Variants in TMTC2 observed in about 807,000 individuals in gnomAD.
The protein encoded by TMTC2 is protein O-mannosyl-transferase TMTC2.
TMTC2 carries 43 observed loss-of-function variants against 82.4 expected under a neutral mutation model. The observed-to-expected ratio is 0.52, with a 90% CI of 0.41 to 0.67. TMTC2 has a LOEUF of 0.67. Ranked by LOEUF, TMTC2 falls within the 30% of genes least tolerant of loss-of-function variation. The pLI, the probability that TMTC2 is intolerant of heterozygous loss-of-function variation, is 0.00. For missense variants in TMTC2, 919 were observed against 1,012.4 expected, an observed-to-expected ratio of 0.91 and a Z score of 1.25; for synonymous variants, 408 against 381.9, an observed-to-expected ratio of 1.07 and a Z score of -0.80.
chr12:83,123,062 T>C (rs1174588397), intron 11 of TMTC2, among the ~76,000 whole-genome samples: 1 of 152,252 alleles, frequency 6.6e-6, no homozygotes, highest in Non-Finnish European at 1.5e-5. Flanking sequence ...CTGTTTGCTC[T>C]TCCCCCAAAC....
At chr12:82,858,349 C>T (rs1871362554) in intron 2 of TMTC2, among the ~76,000 whole-genome samples, 1 of 152,186 alleles carries the variant, frequency 6.6e-6, no homozygotes, top group African/African-American at 2.4e-5. Flanking sequence ...TGTCTGCCTT[C>T]CCATCTCCCC....
chr12:82,892,633 G>C (rs2137173896), intron 2 of TMTC2, among the ~76,000 whole-genome samples: 1 of 152,238 alleles, frequency 6.6e-6, no homozygotes, highest in Admixed American at 6.5e-5. Flanking sequence ...CCTTCGTGTG[G>C]CTCTCCTGTC....
intron 4 of TMTC2, among the ~76,000 whole-genome samples, chr12:82,954,918 A>G (rs1369290257): frequency 6.6e-6 from 1 of 152,186 alleles, no homozygotes; most frequent in East Asian, 1.9e-4. Context: ...CTTTGTGAAA[A>G]TAGAAATGGT....
At chr12:83,021,959 C>T (rs1342594300) in intron 8 of TMTC2, 1 of 151,988 alleles carries the variant, frequency 6.6e-6, no homozygotes, top group Admixed American at 6.6e-5. Context: ...TGTACAAGGA[C>T]GTCACATAAA....
At chr12:82,894,736 G>C (rs1873570547) in intron 2 of TMTC2, among the ~76,000 whole-genome samples, 1 of 152,090 alleles carries the variant, frequency 6.6e-6, no homozygotes, top group South Asian at 2.1e-4. Context: ...GATGTCCTTT[G>C]ACCCTCCTCA....
chr12:82,937,925 T>A (rs1876485972), intron 4 of TMTC2, among the ~76,000 whole-genome samples: 1 of 94,860 alleles, frequency 1.1e-5, no homozygotes, highest in African/African-American at 3.0e-5. Flanking sequence ...TTTTTTTATT[T>A]TTTTTTTTTG....
At chr12:82,994,382 C>T (rs1256144169) in intron 8 of TMTC2, among the ~76,000 whole-genome samples, 1 of 152,106 alleles carries the variant, frequency 6.6e-6, no homozygotes, top group South Asian at 2.1e-4. Flanking sequence ...CTGCCCACCT[C>T]GGCCTCCCAA....
chr12:83,037,759 A>G (rs1388601691), intron 9 of TMTC2, among the ~76,000 whole-genome samples: 3 of 152,112 alleles, frequency 2.0e-5, no homozygotes, highest in South Asian at 2.1e-4. Context: ...ACTTTCCCAT[A>G]ACTAAAATGG....
chr12:83,025,741 A>G (rs1881141274), intron 8 of TMTC2, among the ~76,000 whole-genome samples: 1 of 152,126 alleles, frequency 6.6e-6, no homozygotes, highest in Non-Finnish European at 1.5e-5. Context: ...GGTTCCCATG[A>G]CCCTCTTCCT....
intron 3 of TMTC2, among the ~76,000 whole-genome samples, chr12:82,898,934 T>C (rs1873819503): frequency 6.6e-6 from 1 of 152,226 alleles, no homozygotes; most frequent in Admixed American, 6.5e-5. Context: ...AAACGTTTTG[T>C]AACGCTTAGG....
intron 11 of TMTC2, among the ~76,000 whole-genome samples, chr12:83,068,509 C>T (rs1458666130): frequency 6.6e-6 from 1 of 152,082 alleles, no homozygotes; most frequent in Non-Finnish European, 1.5e-5. Context: ...CACATGGTCT[C>T]TCCCAAAACT....
intron 4 of TMTC2, among the ~76,000 whole-genome samples, chr12:82,956,296 A>AATATAT (rs146632110): frequency 9.3e-4 from 140 of 150,290 alleles, no homozygotes; most frequent in African/African-American, 3.4e-3. Context: ...TGGAATGAAA[A>AATATAT]ATATATATAT....
intron 2 of TMTC2, among the ~76,000 whole-genome samples, chr12:82,873,410 T>A (rs905115711): frequency 1.3e-5 from 2 of 152,120 alleles, no homozygotes; most frequent in Non-Finnish European, 2.9e-5. Flanking sequence ...GCACTGAAGT[T>A]TGAGTAATCA....
intron 4 of TMTC2, among the ~76,000 whole-genome samples, chr12:82,943,037 G>A (rs1876809059): frequency 6.6e-6 from 1 of 152,136 alleles, no homozygotes; most frequent in Non-Finnish European, 1.5e-5. Flanking sequence ...CCTGGTGCTT[G>A]GTTGCCTGGG....
intron 8 of TMTC2, among the ~76,000 whole-genome samples, chr12:83,017,250 T>A (rs762031254): frequency 9.2e-5 from 14 of 152,170 alleles, no homozygotes; most frequent in Admixed American, 4.6e-4. Flanking sequence ...GAAGCCATCA[T>A]TTGACTCATC....
chr12:82,901,386 C>T (rs1310530054), intron 3 of TMTC2, among the ~76,000 whole-genome samples: 7 of 148,650 alleles, frequency 4.7e-5, no homozygotes, highest in Admixed American at 4.1e-4. Context: ...CTCACCACGA[C>T]CTCCGACTTC....
At chr12:82,927,089 G>A (rs1258061272) in intron 3 of TMTC2, among the ~76,000 whole-genome samples, 1 of 152,172 alleles carries the variant, frequency 6.6e-6, no homozygotes, top group Non-Finnish European at 1.5e-5. Flanking sequence ...GTAACTTTTT[G>A]TAAGGATGTA....
chr12:82,862,880 AG>A (rs1871620469), intron 2 of TMTC2, among the ~76,000 whole-genome samples: 1 of 152,196 alleles, frequency 6.6e-6, no homozygotes. Flanking sequence ...ATAATTTCTG[AG>A]GGTGGGAGTT....
intron 9 of TMTC2, among the ~76,000 whole-genome samples, chr12:83,048,625 T>C (rs997964159): frequency 6.6e-6 from 1 of 152,224 alleles, no homozygotes; most frequent in Non-Finnish European, 1.5e-5. Flanking sequence ...CATTGTTTAC[T>C]AACTGAAGTT....
Sources: allele counts gnomAD v4.1 joint callset (sites outside exome capture counted in the v4.1 genomes callset), GRCh38; gene constraint gnomAD v4.1.1; transcripts MANE v1.5; gene names NCBI Gene and HGNC (gene_info 2026-07-23, HGNC 2026-07-21).